DCST1: variants seen among roughly 807,000 people sequenced by gnomAD.
DCST1 encodes DC-STAMP domain containing 1.
Under a neutral mutation model 89.1 loss-of-function variants are expected in DCST1, and 78 were observed. The observed-to-expected ratio is 0.88, with a 90% confidence interval of 0.73 to 1.06. The LOEUF (loss-of-function observed/expected upper bound fraction) is 1.06. Among genes scored for constraint, DCST1 ranks in the 50% least tolerant of loss-of-function variants. The pLI, the probability that DCST1 is intolerant of heterozygous loss-of-function variation, is 0.00. For synonymous variants in DCST1, 364 were observed against 371.9 expected (o/e 0.98, Z 0.24); for missense variants, 900 against 928.6 (o/e 0.97, Z 0.40).
At chr1:155,050,294 G>A (rs1048541862) in intron 16 of DCST1, among the ~76,000 whole-genome samples, 1 of 152,240 alleles carries the variant, frequency 6.6e-6, no homozygotes, top group African/African-American at 2.4e-5. Context: ...GTAAAGTGGG[G>A]ATAGCAACAG....
At chr1:155,044,907 G>A (rs1368019680) in intron 10 of DCST1, among the ~76,000 whole-genome samples, 1 of 152,182 alleles carries the variant, frequency 6.6e-6, no homozygotes, top group African/African-American at 2.4e-5. Flanking sequence ...GGCTTGAGAT[G>A]GTGGGGGAAG....
chr1:155,040,302 C>CAA (rs35215394), intron 5 of DCST1, among the ~76,000 whole-genome samples, 183 bp from the exon 6 acceptor site: 38 of 59,758 alleles, frequency 6.4e-4, no homozygotes, highest in African/African-American at 1.2e-3. Flanking sequence ...GACTCCGTCT[C>CAA]AAAAAAAAAA....
At chr1:155,047,121 C>G in intron 13 of DCST1, 75 bp from the exon 14 acceptor site, 11 of 1,209,422 alleles carry the variant, frequency 9.1e-6, no homozygotes, top group Non-Finnish European at 1.4e-5. Context: ...TGACCCCTCC[C>G]TGACATCCAC....
Position 155,041,381 on chromosome 1 carries a change from C to T in DCST1, c.532-16C>T. The T allele has an allele frequency of 1.9e-6, 3 of 1,613,122 alleles. No individual in the cohort carries two copies. The highest frequency in any genetic ancestry group is 2.5e-6 in the Non-Finnish European group (3 of 1,179,764). On this transcript the variant is annotated splice_polypyrimidine_tract_variant and intron_variant, in intron 6 of 16. Transcript: ENST00000295542. Reference sequence around the variant, plus strand: ...CCCCAGCCCTCACCCTTTCCTCCCTCCACCTCCAATCCCAGAGTAGCAAAG... The same window carrying T: ...CCCCAGCCCTCACCCTTTCCTCCCTTCACCTCCAATCCCAGAGTAGCAAAG...
At chr1:155,040,676 G>A in intron 6 of DCST1, 52 bp downstream of exon 6, 1 of 1,502,250 alleles carries the variant, frequency 6.7e-7, no homozygotes. Context: ...CTGGGGCCAA[G>A]TTAACTTGAG....
At chr1:155,046,286 A>G in intron 12 of DCST1, 66 bp downstream of exon 12, 2 of 1,613,872 alleles carry the variant, frequency 1.2e-6, no homozygotes, top group Non-Finnish European at 1.7e-6. Flanking sequence ...GGTGGAGGGT[A>G]AAAGGCACCA....
intron 13 of DCST1, among the ~76,000 whole-genome samples, chr1:155,046,792 G>C (rs377564904): frequency 6.6e-6 from 1 of 152,056 alleles, no homozygotes; most frequent in East Asian, 1.9e-4. Flanking sequence ...TTTTAGTAGA[G>C]ACAGAGTTTC....
At chr1:155,045,797 G>C in intron 10 of DCST1, 96 bp from the exon 11 acceptor site, 2 of 1,008,340 alleles carry the variant, frequency 2.0e-6, no homozygotes, top group Non-Finnish European at 3.1e-6. Flanking sequence ...ATGCTGGCTG[G>C]TTGGTTGAAT....
chr1:155,041,994 C>A, intron 8 of DCST1, 137 bp downstream of exon 8: 1 of 1,204,644 alleles, frequency 8.3e-7, no homozygotes, highest in Non-Finnish European at 1.2e-6. Flanking sequence ...TAGAGCCCTC[C>A]ACCTGCTGAA....
At position 155,050,687 on chromosome 1, in the gene DCST1, T is replaced by C. The variant is rs1178207083; in HGVS notation, c.1940T>C (p.Val647Ala). 1.9e-6 allele frequency: 3 copies of C among 1,604,736 alleles called. No homozygotes were observed. Among genetic ancestry groups the C allele is most frequent in the Middle Eastern group, 1.7e-4 (1 of 6,010 alleles). Residue 647 changes from valine to alanine, a missense_variant, in exon 17 of 17, where the codon GTG (valine) becomes GCG (alanine). Coordinates refer to ENST00000295542, the MANE Select transcript of DCST1 (RefSeq NM_152494.4). Reference protein sequence around the residue: ...LLRRWLCRRCVVCQAPETPES... With the variant: ...LLRRWLCRRCAVCQAPETPES... The stretch of plus-strand genomic sequence containing the variant: ...CGCCGCTGGCTGTGCCGGCGCTGCG[T>C]GGTGTGCCAGGCACCCGAGACGCCC...
At position 155,043,417 on chromosome 1, in the gene DCST1, G is replaced by A; in HGVS notation, c.1080G>A (p.Arg360=). ...GGGAGCGCGTGAGCACCGAGGTGCG[G>A]GACTACGTGTACCGCCAGGAGGCCC... ...TSWERVSTEV[R]DYVYRQEARL... is the part of the protein sequence containing the mutation. Residue 360 remains arginine, a synonymous_variant, in exon 10 of 17, where the codon CGG becomes CGA. Coordinates refer to ENST00000295542, the MANE Select transcript of DCST1 (RefSeq NM_152494.4). 3.7e-6 allele frequency: 6 copies of A among 1,611,584 alleles called. No homozygotes were observed. Among genetic ancestry groups the A allele is most frequent in the Non-Finnish European group, 5.1e-6 (6 of 1,178,370 alleles).
chr1:155,047,268 C>A lies in DCST1; in HGVS notation c.1568C>A (p.Ala523Asp). 6.2e-7 allele frequency: 1 copy of A among 1,614,150 alleles called. No individual in the cohort carries two copies. The highest frequency in any genetic ancestry group is 8.5e-7 in the Non-Finnish European group (1 of 1,180,002). Residue 523 changes from alanine to aspartate, a missense_variant, in exon 14 of 17, where the codon GCC becomes GAC. Ala to Asp is a moderately radical substitution (Grantham distance 126, BLOSUM62 -2). Coordinates refer to ENST00000295542, the MANE Select transcript of DCST1 (RefSeq NM_152494.4). ...CGGCTTCTTCGAAAAACCATTGGGG[C>A]CCTGAACACCTCCTCAGAGACAGTG... Reference protein sequence around the residue: ...LARLLRKTIGALNTSSETVME... With the variant: ...LARLLRKTIGDLNTSSETVME...
Position 155,048,157 on chromosome 1 carries a change from A to G in DCST1, c.1856A>G (p.Gln619Arg), listed in dbSNP as rs769314375. 1 of 1,613,970 alleles carries G rather than the reference A, an allele frequency of 6.2e-7. No homozygotes were observed. The highest frequency in any genetic ancestry group is 2.2e-5 in the East Asian group (1 of 44,880). ...RRAAILRRER[Q>R]QKAPRHPLAD... ...GCCGCTATCCTGAGGCGGGAGCGAC[A>G]GCAGAAGGCTCCGGTAAGTCCAGGC... is the stretch of plus-strand genomic sequence containing the variant. The change falls in exon 16 of 17, where the codon CAG becomes CGG. Residue 619 changes from glutamine (Q) to arginine (R), a missense_variant. Transcript: ENST00000295542.
intron 16 of DCST1, among the ~76,000 whole-genome samples, chr1:155,049,463 G>A (rs1317559150): frequency 1.3e-5 from 2 of 150,268 alleles, no homozygotes; most frequent in East Asian, 2.0e-4. Flanking sequence ...CGCCCAGGCT[G>A]GAGTGCAGTG....
chr1:155,033,872 T>G lies in DCST1; in HGVS notation c.-66+18T>G, dbSNP rs779977076. On this transcript the variant is annotated intron_variant, in intron 1 of 16. Coordinates refer to ENST00000295542, the MANE Select transcript of DCST1 (RefSeq NM_152494.4). ...GGGGATAGGTAGGTCTCTAATCTCC[T>G]TCCCCACTTCTCGGAGCAGAAGGAT... 49 of 1,265,436 alleles carry G rather than the reference T, an allele frequency of 3.9e-5. No individual in the cohort carries two copies. Among genetic ancestry groups the G allele is most frequent in the Admixed American group, 7.1e-5 (3 of 42,120 alleles). The allele number at this position is 1,265,436 out of a possible 1,614,324, so 78.4% of individuals were successfully genotyped here. A position where few individuals can be genotyped will look rare whatever the true frequency, so the allele number is the denominator to read the frequency against.
At chr1:155,041,878 G>A in intron 8 of DCST1, 21 bp downstream of exon 8, 2 of 1,613,996 alleles carry the variant, frequency 1.2e-6, no homozygotes, top group Non-Finnish European at 1.7e-6. Context: ...TTGCAAAGGG[G>A]TGGGGAGCAT....
rs765203833 is a variant in DCST1 at position 155,050,651 on chromosome 1, G to C, written c.1904G>C (p.Cys635Ser). ...CTGGCGGATATCCTGCACCGCGGCT[G>C]CCCGCTCCTGCGCCGCTGGCTGTGC... ...HPLADILHRGCPLLRRWLCRR... is the reference protein window; with the variant it reads ...HPLADILHRGSPLLRRWLCRR... Residue 635 changes from cysteine to serine, a missense_variant, in exon 17 of 17, where the codon TGC becomes TCC. By Grantham distance (112) the Cys-to-Ser change is moderately radical. Transcript: ENST00000295542. The C allele has an allele frequency of 1.3e-6, 2 of 1,596,106 alleles. No homozygotes were observed. The highest frequency in any genetic ancestry group is 1.7e-6 in the Non-Finnish European group (2 of 1,174,520).
chr1:155,047,496 C>T (rs926031025), intron 14 of DCST1, among the ~76,000 whole-genome samples, 184 bp downstream of exon 14: 1 of 152,228 alleles, frequency 6.6e-6, no homozygotes, highest in African/African-American at 2.4e-5. Flanking sequence ...GGAGCATGAC[C>T]AGCTTCAGTC....
intron 4 of DCST1, 101 bp downstream of exon 4, chr1:155,034,828 A>G: frequency 8.0e-7 from 1 of 1,257,256 alleles, no homozygotes; most frequent in South Asian, 1.2e-5. Context: ...TTCTGTACCC[A>G]TACATCCCCT....
Sources: gnomAD v4.1 joint callset for allele counts (sites outside exome capture counted in the v4.1 genomes callset) on GRCh38, gnomAD v4.1.1 for gene constraint, MANE v1.5 for transcripts, NCBI Gene and HGNC (gene_info 2026-07-23, HGNC 2026-07-21) for gene names.